The following GRIA4 variants were observed in gnomAD, a reference collection of about 807,000 sequenced individuals.
GRIA4 encodes glutamate receptor 4.
In GRIA4, 34 loss-of-function variants were observed where a neutral mutation model predicts 104.0. The ratio of observed to expected loss-of-function variants is 0.33; its 90% CI spans 0.25 to 0.44. The LOEUF (loss-of-function observed/expected upper bound fraction) is 0.44. Among genes scored for constraint, GRIA4 ranks in the 20% least tolerant of loss-of-function variants. The pLI, the probability that GRIA4 is intolerant of heterozygous loss-of-function variation, is 1.00. For synonymous variants in GRIA4, 386 were observed against 381.9 expected, an observed-to-expected ratio of 1.01 and a Z score of -0.13; for missense variants, 750 against 1,096.5, an observed-to-expected ratio of 0.68 and a Z score of 4.46.
chr11:105,834,265 C>G (rs1944092732), intron 4 of GRIA4, among the ~76,000 whole-genome samples: 1 of 151,948 alleles, frequency 6.6e-6, no homozygotes, highest in African/African-American at 2.4e-5. Context: ...TTTTTAATGT[C>G]AAAATTACTC....
chr11:105,705,534 C>T (rs1953665204), intron 3 of GRIA4, among the ~76,000 whole-genome samples: 1 of 151,882 alleles, frequency 6.6e-6, no homozygotes, highest in Admixed American at 6.6e-5. Context: ...CTCCCCAGTA[C>T]ATAAAGAACA....
At chr11:105,900,949 TAA>T (rs1044848106) in intron 7 of GRIA4, among the ~76,000 whole-genome samples, 6 of 145,612 alleles carry the variant, frequency 4.1e-5, no homozygotes, top group African/African-American at 1.5e-4. Flanking sequence ...TAAAAAGAAC[TAA>T]AAATATATAT....
intron 3 of GRIA4, among the ~76,000 whole-genome samples, chr11:105,672,808 TA>T: frequency 6.6e-6 from 1 of 152,258 alleles, no homozygotes; most frequent in Non-Finnish European, 1.5e-5. Flanking sequence ...TTCAGTATTT[TA>T]AAAACAGAAT....
chr11:105,680,308 C>T (rs1318398938), intron 3 of GRIA4, among the ~76,000 whole-genome samples: 1 of 151,970 alleles, frequency 6.6e-6, no homozygotes, highest in African/African-American at 2.4e-5. Context: ...TTCCTGGACC[C>T]ATAAATCCTG....
intron 3 of GRIA4, among the ~76,000 whole-genome samples, chr11:105,743,513 C>T (rs1939453450): frequency 6.6e-6 from 1 of 152,168 alleles, no homozygotes; most frequent in Non-Finnish European, 1.5e-5. Flanking sequence ...TATCATCAGA[C>T]AAGAGGTTTT....
At chr11:105,732,861 T>C (rs1229489461) in intron 3 of GRIA4, among the ~76,000 whole-genome samples, 1 of 152,200 alleles carries the variant, frequency 6.6e-6, no homozygotes, top group Non-Finnish European at 1.5e-5. Flanking sequence ...TAGGCCAGTT[T>C]TTCAGATGTC....
intron 16 of GRIA4, among the ~76,000 whole-genome samples, chr11:105,976,299 T>C (rs1858977987): frequency 2.0e-5 from 3 of 152,056 alleles, no homozygotes; most frequent in African/African-American, 2.4e-5. Context: ...TTAGAAATTT[T>C]TAGAAATAAA....
At chr11:105,970,484 T>G (rs1313971638) in intron 14 of GRIA4, among the ~76,000 whole-genome samples, 1 of 152,202 alleles carries the variant, frequency 6.6e-6, no homozygotes, top group Non-Finnish European at 1.5e-5. Context: ...CTTGCTGAAT[T>G]AAGCTCCCTG....
At chr11:105,648,727 CA>C (rs1951603725) in intron 3 of GRIA4, among the ~76,000 whole-genome samples, 1 of 152,180 alleles carries the variant, frequency 6.6e-6, no homozygotes, top group South Asian at 2.1e-4. Context: ...CCACTATTCT[CA>C]GCATTTGGCC....
chr11:105,627,030 T>C (rs1391238362), intron 3 of GRIA4, among the ~76,000 whole-genome samples: 2 of 152,296 alleles, frequency 1.3e-5, no homozygotes, highest in East Asian at 3.9e-4. Flanking sequence ...TTCTAGTAAA[T>C]GAATGATACA....
At chr11:105,746,779 G>C (rs963019731) in intron 3 of GRIA4, among the ~76,000 whole-genome samples, 2 of 152,064 alleles carry the variant, frequency 1.3e-5, no homozygotes, top group Admixed American at 6.6e-5. Context: ...CAAAGGGACA[G>C]AACTAAGAAA....
In GRIA4 at chr11:105,884,785, G is replaced by A. The variant is rs192507676; in HGVS notation, c.673-2734G>A. Among the ~76,000 whole-genome samples the A allele has an allele frequency of 1.7e-3, 262 of 152,158 alleles. 1 individual carries two copies. The highest frequency in any genetic ancestry group is 6.1e-3 in the African/African-American group (255 of 41,528). On this transcript the variant is annotated intron_variant, in intron 5 of 16. Coordinates refer to ENST00000282499, the MANE Select transcript of GRIA4 (RefSeq NM_000829.4). ...AAGCTTTAATTTATTATAGTTTTTT[G>A]CTAAACAATCTTGAATGGACAATGA... is the stretch of plus-strand genomic sequence containing the variant.
intron 4 of GRIA4, among the ~76,000 whole-genome samples, chr11:105,779,252 AAGG>A (rs1434489933): frequency 2.0e-5 from 3 of 152,058 alleles, no homozygotes; most frequent in Non-Finnish European, 4.4e-5. Context: ...GGACCTCTTC[AAGG>A]AGAACTACAA....
chr11:105,962,944 A>G (rs1283085086), intron 14 of GRIA4, among the ~76,000 whole-genome samples: 8 of 152,152 alleles, frequency 5.3e-5, no homozygotes, highest in Admixed American at 4.6e-4. Context: ...GATCACTATT[A>G]CAGTGACACT....
chr11:105,881,763 G>A (rs1438030901), intron 5 of GRIA4, among the ~76,000 whole-genome samples: 1 of 151,894 alleles, frequency 6.6e-6, no homozygotes, highest in Non-Finnish European at 1.5e-5. Flanking sequence ...AAATTTGTAC[G>A]TGCATTGGTG....
At chr11:105,804,616 T>C (rs1433799538) in intron 4 of GRIA4, among the ~76,000 whole-genome samples, 1 of 151,936 alleles carries the variant, frequency 6.6e-6, no homozygotes, top group African/African-American at 2.4e-5. Flanking sequence ...CAGCTAACAA[T>C]AGTTGGTTGG....
chr11:105,948,595 G>GTTTTTTTTTTTTTTTT (rs3060323), intron 14 of GRIA4, among the ~76,000 whole-genome samples: 3 of 87,866 alleles, frequency 3.4e-5, no homozygotes, highest in African/African-American at 1.4e-4. Context: ...TTTTCTTTTT[G>GTTTTTTTTTTTTTTTT]TTTTTTTTTT....
chr11:105,686,410 T>C (rs891810523), intron 3 of GRIA4, among the ~76,000 whole-genome samples: 1 of 152,220 alleles, frequency 6.6e-6, no homozygotes, highest in African/African-American at 2.4e-5. Context: ...TACTTCATGC[T>C]TTTTTATGAC....
intron 5 of GRIA4, among the ~76,000 whole-genome samples, chr11:105,866,857 G>A (rs1241142522): frequency 1.3e-5 from 2 of 151,820 alleles, no homozygotes; most frequent in Admixed American, 1.3e-4. Flanking sequence ...ATTGATCCTA[G>A]TACACATCAT....
Sources: allele counts gnomAD v4.1 joint callset (sites outside exome capture counted in the v4.1 genomes callset), GRCh38; gene constraint gnomAD v4.1.1; transcripts MANE v1.5; gene names NCBI Gene and HGNC (gene_info 2026-07-23, HGNC 2026-07-21).